FKBP1B: variants seen among roughly 807,000 people sequenced by gnomAD.
FKBP1B encodes the protein FKBP prolyl isomerase 1B, also known as peptidyl-prolyl cis-trans isomerase FKBP1B.
In FKBP1B, 4 loss-of-function variants were observed where a neutral mutation model predicts 13.5. The ratio of observed to expected loss-of-function variants is 0.30; its 90% confidence interval spans 0.15 to 0.68. FKBP1B has a LOEUF of 0.68. Among genes scored for constraint, FKBP1B ranks in the 30% least tolerant of loss-of-function variants. The probability of loss-of-function intolerance (pLI) is 0.76; values close to 1 mark genes in which losing one functional copy is unlikely to be tolerated. For synonymous variants in FKBP1B, 54 were observed against 53.6 expected, an observed-to-expected ratio of 1.01 and a Z score of -0.03; for missense variants, 93 against 136.2, an observed-to-expected ratio of 0.68 and a Z score of 1.58.
At position 24,050,119 on chromosome 2, in the gene FKBP1B, C is replaced by T. The variant is rs1663795520; in HGVS notation, c.37+233C>T. ...GCGGCAGCTCGGAGGCGGGGGTCTG[C>T]GGCCCGGAGGCGGGGGTCTGCGGCC... is the stretch of plus-strand genomic sequence containing the variant. On this transcript the variant is annotated intron_variant, in intron 1 of 3. Transcript: ENST00000380986. The surrounding 1 kb of genome is among the most constrained non-coding windows in gnomAD (Gnocchi z 5.8). Among the ~76,000 whole-genome samples, 1 of 151,796 alleles carries T rather than the reference C, an allele frequency of 6.6e-6. No homozygotes were observed. The highest frequency in any genetic ancestry group is 2.0e-4 in the East Asian group (1 of 5,120).
chr2:24,041,340 C>CAAA, the FKBP1B span, among the ~76,000 whole-genome samples: 30 of 127,360 alleles, frequency 2.4e-4, no homozygotes, highest in African/African-American at 8.0e-4. Context: ...ACTCTATCTC[C>CAAA]AAAAAAAAAA....
chr2:24,049,694 C>T, upstream of FKBP1B: 1 of 491,108 alleles, frequency 2.0e-6, no homozygotes, highest in Non-Finnish European at 3.2e-6. Context: ...TTGCCAGTGG[C>T]CCCTCCCCGC....
At chr2:24,047,473 T>C (rs953222417), upstream of FKBP1B, 1 of 152,276 alleles carries the variant, frequency 6.6e-6, no homozygotes, top group Admixed American at 6.5e-5. Flanking sequence ...GGTGGTCCTC[T>C]GATAGGATAG....
chr2:24,055,899 CGTT>C (rs1413978921), intron 2 of FKBP1B, among the ~76,000 whole-genome samples: 10 of 152,226 alleles, frequency 6.6e-5, no homozygotes, highest in Non-Finnish European at 1.3e-4. Context: ...TTTCCAAAGT[CGTT>C]GTGCCAGTTT....
chr2:24,038,102 C>T, the FKBP1B span: 4 of 1,614,050 alleles, frequency 2.5e-6, no homozygotes, highest in Non-Finnish European at 3.4e-6. Flanking sequence ...GAAAGACTTT[C>T]AATTAACTTT....
chr2:24,054,459 C>G (rs1282187108), intron 2 of FKBP1B: 2 of 179,414 alleles, frequency 1.1e-5, no homozygotes, highest in African/African-American at 4.8e-5. Flanking sequence ...CAGTTGGATG[C>G]TCTTTATCTG....
At chr2:24,041,369 CT>C in the FKBP1B span, among the ~76,000 whole-genome samples, 1 of 151,638 alleles carries the variant, frequency 6.6e-6, no homozygotes, top group South Asian at 2.1e-4. Flanking sequence ...TTCCCTCCTA[CT>C]CAGTGCCAGC....
chr2:24,055,583 G>A (rs1471262472), intron 2 of FKBP1B, among the ~76,000 whole-genome samples: 1 of 152,134 alleles, frequency 6.6e-6, no homozygotes, highest in East Asian at 1.9e-4. Context: ...TGGAACCACA[G>A]CGTAGGTACT....
the FKBP1B span, among the ~76,000 whole-genome samples, chr2:24,033,633 C>T: frequency 1.2e-4 from 18 of 151,824 alleles, no homozygotes; most frequent in Non-Finnish European, 2.5e-4. Context: ...CCCAGCTACT[C>T]GGGAGGCTGA....
At chr2:24,044,284 C>T in the FKBP1B span, among the ~76,000 whole-genome samples, 8 of 141,214 alleles carry the variant, frequency 5.7e-5, no homozygotes, top group East Asian at 2.1e-4. Context: ...TTGGGGGGGG[C>T]GTGGGGGCAC....
chr2:24,061,980 CT>C (rs1664413189), intron 3 of FKBP1B, among the ~76,000 whole-genome samples: 1 of 152,116 alleles, frequency 6.6e-6, no homozygotes, highest in South Asian at 2.1e-4. Flanking sequence ...CGCCATTCTT[CT>C]GCCTCAGCCT....
the FKBP1B span, among the ~76,000 whole-genome samples, chr2:24,034,873 C>T: frequency 6.6e-6 from 1 of 151,828 alleles, no homozygotes; most frequent in East Asian, 1.9e-4. Flanking sequence ...CTGTGCCTGG[C>T]CAAACATGGT....
At chr2:24,049,359 A>T (rs1201909711), upstream of FKBP1B, among the ~76,000 whole-genome samples, 2 of 152,000 alleles carry the variant, frequency 1.3e-5, no homozygotes, top group African/African-American at 4.8e-5. Flanking sequence ...ACAGAGCAAG[A>T]TCCTCTGTCT....
the FKBP1B span, chr2:24,038,928 C>A: frequency 6.2e-7 from 1 of 1,614,218 alleles, no homozygotes; most frequent in South Asian, 1.1e-5. Flanking sequence ...TGTGAAGAGT[C>A]TTCTGAGCGC....
At chr2:24,048,589 A>G (rs1663709916), upstream of FKBP1B, among the ~76,000 whole-genome samples, 1 of 151,702 alleles carries the variant, frequency 6.6e-6, no homozygotes, top group African/African-American at 2.4e-5. Context: ...CAGTGTTGAG[A>G]TTACAGGTGT....
chr2:24,058,468 G>A (rs1664238500), intron 2 of FKBP1B, among the ~76,000 whole-genome samples: 1 of 152,056 alleles, frequency 6.6e-6, no homozygotes, highest in Admixed American at 6.6e-5. Context: ...CATGTAAGTG[G>A]GTCTGTTTCT....
At chr2:24,048,106 C>G (rs1022050897), upstream of FKBP1B, among the ~76,000 whole-genome samples, 1 of 152,188 alleles carries the variant, frequency 6.6e-6, no homozygotes. Flanking sequence ...CTTTTCTCCC[C>G]ATGCCTATCT....
chr2:24,037,974 A>G, the FKBP1B span: 1 of 1,614,108 alleles, frequency 6.2e-7, no homozygotes, highest in African/African-American at 1.3e-5. Flanking sequence ...TGGAGCCATC[A>G]CAGATACTAG....
At position 24,063,433 on chromosome 2, in the gene FKBP1B, G is replaced by A. The variant is rs1664493256; in HGVS notation, c.*241G>A. On this transcript the variant is annotated 3_prime_UTR_variant, in exon 4 of 4. Transcript: ENST00000380986. ...GCATTTCAGGTTGTGCATTTTGTGT[G>A]ATGCATGTAGTAGCCTTTCCTGATG... The A allele has an allele frequency of 4.1e-6, 2 of 482,084 alleles. No individual in the cohort carries two copies. Among genetic ancestry groups the A allele is most frequent in the Non-Finnish European group, 7.3e-6 (2 of 273,658 alleles). The allele number at this position is 482,084 out of a possible 1,614,324, so 29.9% of individuals were successfully genotyped here.
Sources: allele counts gnomAD v4.1 joint callset (sites outside exome capture counted in the v4.1 genomes callset), GRCh38; gene constraint gnomAD v4.1.1; non-coding constraint Gnocchi (gnomAD v3.1); transcripts MANE v1.5; gene names NCBI Gene and HGNC (gene_info 2026-07-23, HGNC 2026-07-21).